The following TBC1D5 variants were observed in gnomAD, a reference collection of about 807,000 sequenced individuals.
The protein encoded by TBC1D5 is TBC1 domain family, member 5.
TBC1D5 carries 75 observed loss-of-function variants against 100.3 expected under a neutral mutation model. The observed-to-expected ratio is 0.75, with a 90% CI of 0.62 to 0.91. The LOEUF is 0.91. Ranked by LOEUF, TBC1D5 falls within the 40% of genes least tolerant of loss-of-function variation. The pLI is 0.00. For synonymous variants in TBC1D5, 323 were observed against 325.6 expected, an observed-to-expected ratio of 0.99 and a Z score of 0.09; for missense variants, 910 against 942.4, an observed-to-expected ratio of 0.97 and a Z score of 0.45.
At chr3:17,484,841 G>T (rs1459186036) in intron 3 of TBC1D5, among the ~76,000 whole-genome samples, 1 of 151,944 alleles carries the variant, frequency 6.6e-6, no homozygotes, top group African/African-American at 2.4e-5. Context: ...AATTTACAGG[G>T]TACATGACAG....
intron 2 of TBC1D5, among the ~76,000 whole-genome samples, chr3:17,532,311 G>A (rs2096237523): frequency 6.6e-6 from 1 of 152,170 alleles, no homozygotes; most frequent in Non-Finnish European, 1.5e-5. Context: ...AGTTAGAATG[G>A]AGATCATTAA....
intron 17 of TBC1D5, among the ~76,000 whole-genome samples, chr3:17,231,776 C>T (rs936766551): frequency 1.3e-5 from 2 of 152,144 alleles, no homozygotes; most frequent in Non-Finnish European, 2.9e-5. Flanking sequence ...CATTGTCTAT[C>T]ATTGTCAAAA....
intron 3 of TBC1D5, among the ~76,000 whole-genome samples, chr3:17,481,876 G>A (rs1559984600): frequency 6.6e-6 from 1 of 152,158 alleles, no homozygotes; most frequent in Non-Finnish European, 1.5e-5. Context: ...AAGTAGCTGG[G>A]ATTACAGGCA....
chr3:17,582,958 A>G (rs747281233), intron 2 of TBC1D5, among the ~76,000 whole-genome samples: 26 of 152,136 alleles, frequency 1.7e-4, no homozygotes, highest in Non-Finnish European at 2.6e-4. Flanking sequence ...AAATGATATA[A>G]TTACTATATA....
At position 17,529,792 on chromosome 3, in the gene TBC1D5, G is replaced by A. The variant is rs532001920; in HGVS notation, c.-35-21187C>T. On this transcript the variant is annotated intron_variant, in intron 2 of 21. Coordinates refer to ENST00000253692, the Ensembl canonical transcript of TBC1D5. ...CTCTCGAGTAGCTGGGATTTGAGGC[G>A]TGTGCCATGGCATTATTAATACTTG... Among the ~76,000 whole-genome samples, 8 of 152,084 alleles carry A rather than the reference G, an allele frequency of 5.3e-5. No individual in the cohort carries two copies. The East Asian group carries it at 7.7e-4, about 15-fold the overall frequency.
At chr3:17,612,816 GA>G (rs967551503) in intron 2 of TBC1D5, among the ~76,000 whole-genome samples, 14 of 134,282 alleles carry the variant, frequency 1.0e-4, no homozygotes, top group Admixed American at 3.0e-4. Context: ...AAATGAACAC[GA>G]AAAAAAAACA....
At chr3:17,452,275 C>T (rs2149735053) in intron 3 of TBC1D5, among the ~76,000 whole-genome samples, 3 of 151,940 alleles carry the variant, frequency 2.0e-5, no homozygotes, top group African/African-American at 7.2e-5. Context: ...AACCAGAAAA[C>T]AACAAAATGG....
chr3:17,365,776 G>T (rs1465074913), intron 13 of TBC1D5, among the ~76,000 whole-genome samples: 1 of 152,076 alleles, frequency 6.6e-6, no homozygotes, highest in Non-Finnish European at 1.5e-5. Flanking sequence ...TTTGGCTCAT[G>T]GTCCAATGTG....
At chr3:17,307,883 T>G (rs570692280) in intron 14 of TBC1D5, 109 bp downstream of exon 14, 1 of 1,397,978 alleles carries the variant, frequency 7.2e-7, no homozygotes, top group East Asian at 2.6e-5. Context: ...CTACAAAAAT[T>G]GAGGTACATG....
chr3:17,417,161 TA>T (rs1559841834), intron 4 of TBC1D5, among the ~76,000 whole-genome samples: 1 of 152,116 alleles, frequency 6.6e-6, no homozygotes, highest in Non-Finnish European at 1.5e-5. Flanking sequence ...AAGAGACCTT[TA>T]AGATTTTTTT....
At chr3:17,483,883 G>C (rs1403362696) in intron 3 of TBC1D5, among the ~76,000 whole-genome samples, 1 of 152,124 alleles carries the variant, frequency 6.6e-6, no homozygotes, top group Non-Finnish European at 1.5e-5. Flanking sequence ...AATAAATACT[G>C]TCTATTGAAC....
intron 1 of TBC1D5, among the ~76,000 whole-genome samples, chr3:17,713,965 A>C (rs2075000792): frequency 6.6e-6 from 1 of 152,208 alleles, no homozygotes; most frequent in Admixed American, 6.5e-5. Context: ...TAATAGCCAA[A>C]TAAATGTTGA....
chr3:17,238,047 A>C, intron 17 of TBC1D5, 116 bp downstream of exon 17: 1 of 1,405,736 alleles, frequency 7.1e-7, no homozygotes, highest in East Asian at 2.4e-5. Context: ...AACATATTTA[A>C]AAAGTAAGTT....
At chr3:17,590,681 G>A (rs773585746) in intron 2 of TBC1D5, among the ~76,000 whole-genome samples, 2 of 152,230 alleles carry the variant, frequency 1.3e-5, no homozygotes, top group Admixed American at 1.3e-4. Flanking sequence ...ATTTAAATAC[G>A]ATGGGAACAG....
intron 2 of TBC1D5, among the ~76,000 whole-genome samples, chr3:17,551,613 T>C (rs1389227429): frequency 6.6e-6 from 1 of 152,158 alleles, no homozygotes; most frequent in Non-Finnish European, 1.5e-5. Flanking sequence ...AAGATGCTCT[T>C]AGTGTAATCG....
At chr3:17,522,852 T>C (rs1219617846) in intron 2 of TBC1D5, among the ~76,000 whole-genome samples, 3 of 152,184 alleles carry the variant, frequency 2.0e-5, no homozygotes, top group Non-Finnish European at 2.9e-5. Context: ...CATGAAATCA[T>C]TGCATAAATA....
At chr3:17,436,485 C>T (rs929339571) in intron 3 of TBC1D5, among the ~76,000 whole-genome samples, 2 of 152,080 alleles carry the variant, frequency 1.3e-5, no homozygotes, top group Non-Finnish European at 2.9e-5. Context: ...AATATTGTGG[C>T]TTTTTTCTTC....
At chr3:17,420,473 ATACT>A (rs1305652702) in intron 4 of TBC1D5, among the ~76,000 whole-genome samples, 1 of 152,168 alleles carries the variant, frequency 6.6e-6, no homozygotes, top group East Asian at 1.9e-4. Flanking sequence ...CTACTATATA[ATACT>A]TAATTATTGG....
intron 3 of TBC1D5, among the ~76,000 whole-genome samples, chr3:17,438,627 A>C (rs1019693802): frequency 1.1e-4 from 16 of 152,224 alleles, no homozygotes; most frequent in African/African-American, 3.9e-4. Context: ...AGAGTCAATT[A>C]AACCTCTTTC....
Sources: gnomAD v4.1 joint callset for allele counts (sites outside exome capture counted in the v4.1 genomes callset) on GRCh38, gnomAD v4.1.1 for gene constraint, MANE v1.5 for transcripts, NCBI Gene and HGNC (gene_info 2026-07-23, HGNC 2026-07-21) for gene names.